ZMAT3: variants seen among roughly 807,000 people sequenced by gnomAD.
ZMAT3 encodes zinc finger matrin-type protein 3.
A neutral mutation model predicts 32.3 loss-of-function variants in ZMAT3; 17 were observed. The ratio of observed to expected loss-of-function variants is 0.53; its 90% CI spans 0.36 to 0.79. The LOEUF (loss-of-function observed/expected upper bound fraction) is 0.79. Among genes scored for constraint, ZMAT3 ranks in the 30% least tolerant of loss-of-function variants. ZMAT3 has a pLI of 0.00. For missense variants in ZMAT3, 329 were observed against 359.7 expected (o/e 0.91, Z 0.69); for synonymous variants, 120 against 133.1 (o/e 0.90, Z 0.68).
chr3:179,072,400 C>T (rs1397455225), upstream of ZMAT3: 1 of 152,104 alleles, frequency 6.6e-6, no homozygotes, highest in Admixed American at 6.6e-5. Flanking sequence ...GAGACTTTCT[C>T]CTGACCCCCA....
chr3:179,067,353 T>A, intron 2 of ZMAT3, 130 bp downstream of exon 2: 1 of 981,918 alleles, frequency 1.0e-6, no homozygotes, highest in Non-Finnish European at 1.5e-6. Context: ...TCAAACAAAT[T>A]CATAGTTAGT....
intron 2 of ZMAT3, among the ~76,000 whole-genome samples, chr3:179,060,238 C>T (rs1398996981): frequency 2.0e-5 from 2 of 99,870 alleles, no homozygotes; most frequent in African/African-American, 6.8e-5. Flanking sequence ...ATAGCAGAGA[C>T]AAACAATATA....
In ZMAT3 at chr3:179,023,708, A is replaced by ATATATATATATATATTTT. The variant is rs1718681231; in HGVS notation, c.*1308_*1309insAAAATATATATATATATA. 7.9e-5 allele frequency: 1 copy of ATATATATATATATATTTT among 12,632 alleles called. No individual in the cohort carries two copies. The highest frequency in any genetic ancestry group is 5.3e-4 in the African/African-American group (1 of 1,884). The allele number at this position is 12,632 out of a possible 1,614,324, so 0.8% of individuals were successfully genotyped here. A position where few individuals can be genotyped will look rare whatever the true frequency, so the allele number is the denominator to read the frequency against. On this transcript the variant is annotated 3_prime_UTR_variant, in exon 6 of 6. Coordinates refer to ENST00000311417, the MANE Select transcript of ZMAT3 (RefSeq NM_022470.4). ...CTGGAAAATATATCTATATATATAT[A>ATATATATATATATATTTT]TATTTTTTTTTTTTTTTTTTTTTTT... is the stretch of plus-strand genomic sequence containing the variant.
At chr3:179,037,526 T>G (rs562733055) in intron 2 of ZMAT3, among the ~76,000 whole-genome samples, 14 of 152,168 alleles carry the variant, frequency 9.2e-5, no homozygotes, top group Non-Finnish European at 1.8e-4. Flanking sequence ...CCTGCCAGGC[T>G]GAGTGGGCGG....
chr3:179,065,911 AAAAT>A (rs1454508053), intron 2 of ZMAT3, among the ~76,000 whole-genome samples: 5 of 152,216 alleles, frequency 3.3e-5, no homozygotes, highest in African/African-American at 7.2e-5. Context: ...GTCTCAAAAA[AAAAT>A]AAATAAATAA....
intron 2 of ZMAT3, among the ~76,000 whole-genome samples, chr3:179,056,125 T>C (rs955899322): frequency 1.3e-5 from 2 of 152,188 alleles, no homozygotes; most frequent in Non-Finnish European, 2.9e-5. Flanking sequence ...GAAGCATACC[T>C]CCCTGTCACC....
intron 5 of ZMAT3, 85 bp downstream of exon 5, chr3:179,027,338 G>C (rs1042672837): frequency 6.4e-5 from 78 of 1,226,882 alleles, no homozygotes; most frequent in Middle Eastern, 6.2e-4. Flanking sequence ...AAATTCTCAG[G>C]GCTATCTATT....
In ZMAT3 at chr3:179,020,839, C is replaced by G. The variant is rs931628730; in HGVS notation, c.*4178G>C. On this transcript the variant is annotated 3_prime_UTR_variant, in exon 6 of 6. Coordinates refer to ENST00000311417, the MANE Select transcript of ZMAT3 (RefSeq NM_022470.4). ...TTGTTGCTTGCTGTCCCAGCCAATT[C>G]AAGAGTGAAGGAAGATGTAACCAGA... 2 of 152,232 alleles carry G rather than the reference C, an allele frequency of 1.3e-5. No individual in the cohort carries two copies. The highest frequency in any genetic ancestry group is 2.9e-5 in the Non-Finnish European group (2 of 68,042). 9.4% of individuals were successfully genotyped at this position (152,232 alleles called of 1,614,324 possible).
At chr3:179,047,563 A>T (rs1331000374) in intron 2 of ZMAT3, among the ~76,000 whole-genome samples, 3 of 152,214 alleles carry the variant, frequency 2.0e-5, no homozygotes, top group African/African-American at 7.2e-5. Flanking sequence ...CCAATCAAGG[A>T]GGCACCAGGC....
Position 179,046,927 on chromosome 3 carries a change from GCC to G in ZMAT3, c.271-15930_271-15929del, listed in dbSNP as rs1360749329. ...ATGGTCTTCTCTACCCACACTGGTG[GCC>G]GAAGACAAAGGACATAAGCTCTTGG... On this transcript the variant is annotated intron_variant, in intron 2 of 5. Transcript: ENST00000311417. This position sits in a 1 kb window ranked among gnomAD's most constrained non-coding sequence, Gnocchi z 4.3. 6.6e-6 allele frequency among the ~76,000 whole-genome samples: 1 copy of G among 152,172 alleles called. No homozygotes were observed. The highest frequency in any genetic ancestry group is 1.5e-5 in the Non-Finnish European group (1 of 68,028).
intron 2 of ZMAT3, among the ~76,000 whole-genome samples, chr3:179,056,132 C>T (rs1720828553): frequency 6.6e-6 from 1 of 152,202 alleles, no homozygotes; most frequent in Non-Finnish European, 1.5e-5. Flanking sequence ...ACCTCCCTGT[C>T]ACCTGACTCT....
rs1232042301 is a variant in ZMAT3 at position 179,024,851 on chromosome 3, C to T, written c.*166G>A. The T allele has an allele frequency of 3.9e-6, 2 of 511,704 alleles. No homozygotes were observed. Among genetic ancestry groups the T allele is most frequent in the Non-Finnish European group, 6.9e-6 (2 of 288,380 alleles). 31.7% of individuals were successfully genotyped at this position (511,704 alleles called of 1,614,324 possible). On this transcript the variant is annotated 3_prime_UTR_variant, in exon 6 of 6. Transcript: ENST00000311417. ...TCTTCACACCCACCTCCCCCCGCCC[C>T]GCCCCCGGGCCCCCAGGTTTTGACA...
chr3:179,066,840 T>C (rs1721440542), intron 2 of ZMAT3, among the ~76,000 whole-genome samples: 1 of 152,258 alleles, frequency 6.6e-6, no homozygotes, highest in African/African-American at 2.4e-5. Context: ...GTGAAAGCTT[T>C]AAATCTTAAA....
rs1718676433 is a variant in ZMAT3 at position 179,023,701 on chromosome 3, T to TATATATATATATATAC, written c.*1315_*1316insGTATATATATATATAT. The TATATATATATATATAC allele has an allele frequency of 1.3e-4, 2 of 15,394 alleles. 1 individual carries two copies. The highest frequency in any genetic ancestry group is 2.2e-4 in the Non-Finnish European group (2 of 8,984). 1.0% of individuals were successfully genotyped at this position (15,394 alleles called of 1,614,324 possible). ...AAAACTGCTGGAAAATATATCTATATATATATATATTTTTTTTTTTTTTTT... is the reference window on the plus strand; with the variant it reads ...AAAACTGCTGGAAAATATATCTATATATATATATATATATACATATATATATTTTTTTTTTTTTTTT... On this transcript the variant is annotated 3_prime_UTR_variant, in exon 6 of 6. Coordinates refer to ENST00000311417, the MANE Select transcript of ZMAT3 (RefSeq NM_022470.4).
intron 2 of ZMAT3, among the ~76,000 whole-genome samples, chr3:179,031,838 C>T (rs938676247): frequency 4.0e-5 from 6 of 150,250 alleles, no homozygotes; most frequent in Middle Eastern, 3.5e-3. Flanking sequence ...ACCTGGGAGG[C>T]GGAGGTTGCA....
intron 2 of ZMAT3, among the ~76,000 whole-genome samples, chr3:179,039,023 T>G (rs934535391): frequency 3.3e-5 from 5 of 152,204 alleles, no homozygotes; most frequent in Non-Finnish European, 7.3e-5. Context: ...CCTCAGCCAT[T>G]GCTGAGGCTT....
In ZMAT3 at chr3:179,023,704, ATATATATTTTTTTTTTTTT is replaced by A. The variant is rs1718678448; in HGVS notation, c.*1294_*1312del. ...ACTGCTGGAAAATATATCTATATATATATATATTTTTTTTTTTTTTTTTTTTTTTTTTTTGAGACGGAGT... is the reference window on the plus strand; with the variant it reads ...ACTGCTGGAAAATATATCTATATATATTTTTTTTTTTTTTTGAGACGGAGT... On this transcript the variant is annotated 3_prime_UTR_variant, in exon 6 of 6. Coordinates refer to ENST00000311417, the MANE Select transcript of ZMAT3 (RefSeq NM_022470.4). 6 of 13,782 alleles carry A rather than the reference ATATATATTTTTTTTTTTTT, an allele frequency of 4.4e-4. 1 individual carries two copies. Among genetic ancestry groups the A allele is most frequent in the African/African-American group, 2.7e-3 (6 of 2,206 alleles). 0.9% of individuals were successfully genotyped at this position (13,782 alleles called of 1,614,324 possible). A position where few individuals can be genotyped will look rare whatever the true frequency, so the allele number is the denominator to read the frequency against.
intron 2 of ZMAT3, among the ~76,000 whole-genome samples, chr3:179,032,155 G>A (rs1395203515): frequency 3.3e-5 from 5 of 151,064 alleles, no homozygotes; most frequent in East Asian, 2.0e-4. Context: ...GGTGTGCGCC[G>A]CCACGCCTGA....
chr3:179,031,114 C>G (rs762879085), intron 2 of ZMAT3, 115 bp from the exon 3 acceptor site: 2 of 815,732 alleles, frequency 2.5e-6, no homozygotes, highest in Non-Finnish European at 3.6e-6. Flanking sequence ...GAGAGAGAGA[C>G]CACATTCACA....
Sources: gnomAD v4.1 joint callset for allele counts (sites outside exome capture counted in the v4.1 genomes callset) on GRCh38, gnomAD v4.1.1 for gene constraint, Gnocchi (gnomAD v3.1) non-coding constraint, MANE v1.5 for transcripts, NCBI Gene and HGNC (gene_info 2026-07-23, HGNC 2026-07-21) for gene names.